GPR155: variants seen among roughly 807,000 people sequenced by gnomAD.
GPR155 encodes the protein G protein-coupled receptor 155.
In GPR155, 65 loss-of-function variants were observed where a neutral mutation model predicts 93.1. The ratio of observed to expected loss-of-function variants is 0.70; its 90% CI spans 0.57 to 0.86. GPR155 has a LOEUF of 0.86. Ranked by LOEUF, GPR155 falls within the 40% of genes least tolerant of loss-of-function variation. GPR155 has a pLI of 0.00. For synonymous variants in GPR155, 319 were observed against 360.1 expected (o/e 0.89, Z 1.29); for missense variants, 838 against 1,034.8 (o/e 0.81, Z 2.61).
At chr2:174,468,490 T>A (rs531197721) in intron 5 of GPR155, among the ~76,000 whole-genome samples, 33 of 152,348 alleles carry the variant, frequency 2.2e-4, no homozygotes, top group Non-Finnish European at 4.1e-4. Flanking sequence ...ACCCCATGAT[T>A]CTAGAACAGC....
At chr2:174,460,797 T>A (rs1687669038) in intron 9 of GPR155, among the ~76,000 whole-genome samples, 1 of 152,236 alleles carries the variant, frequency 6.6e-6, no homozygotes, top group Admixed American at 6.5e-5. Flanking sequence ...ATAGCTAATA[T>A]TTATTGAGCA....
intron 3 of GPR155, among the ~76,000 whole-genome samples, chr2:174,470,886 C>T (rs1442984395): frequency 6.6e-6 from 1 of 152,126 alleles, no homozygotes; most frequent in Non-Finnish European, 1.5e-5. Context: ...CTTGCTTCCT[C>T]TATCAGTTTA....
intron 12 of GPR155, among the ~76,000 whole-genome samples, chr2:174,445,604 C>T (rs866205079): frequency 1.3e-5 from 2 of 152,164 alleles, no homozygotes; most frequent in African/African-American, 4.8e-5. Flanking sequence ...CACTATCTCA[C>T]GAGCATCCCA....
chr2:174,454,315 T>G (rs2105695254), intron 10 of GPR155, among the ~76,000 whole-genome samples: 1 of 152,170 alleles, frequency 6.6e-6, no homozygotes, highest in East Asian at 1.9e-4. Context: ...TTTTGAATTT[T>G]TAGTAGAGAC....
intron 15 of GPR155, among the ~76,000 whole-genome samples, chr2:174,437,814 C>G (rs1211710873): frequency 2.6e-5 from 4 of 151,554 alleles, no homozygotes; most frequent in African/African-American, 9.7e-5. Context: ...GAACTCCCGA[C>G]CTCAGGTGAT....
chr2:174,443,492 G>A (rs1243279688), intron 13 of GPR155, among the ~76,000 whole-genome samples: 1 of 152,210 alleles, frequency 6.6e-6, no homozygotes. Context: ...ACTTTGGGAG[G>A]CCAAGGCAGG....
At chr2:174,440,804 A>G (rs929435624) in intron 14 of GPR155, among the ~76,000 whole-genome samples, 1 of 152,160 alleles carries the variant, frequency 6.6e-6, no homozygotes, top group Non-Finnish European at 1.5e-5. Context: ...ACTACTTGTT[A>G]TTTTTCATAA....
At chr2:174,439,821 G>A (rs1686900131) in intron 15 of GPR155, 77 bp downstream of exon 15, 7 of 1,230,220 alleles carry the variant, frequency 5.7e-6, no homozygotes, top group Non-Finnish European at 8.2e-6. Flanking sequence ...ACCTCATTTA[G>A]CCTATTACAA....
chr2:174,478,751 C>T (rs1688237432), intron 2 of GPR155, among the ~76,000 whole-genome samples: 1 of 151,942 alleles, frequency 6.6e-6, no homozygotes, highest in Non-Finnish European at 1.5e-5. Context: ...TTTCTTATAA[C>T]CCATGATCGA....
At chr2:174,439,749 A>C in intron 15 of GPR155, 149 bp downstream of exon 15, 1 of 622,546 alleles carries the variant, frequency 1.6e-6, no homozygotes, top group South Asian at 2.0e-5. Context: ...CTATAAACTC[A>C]CTCATAATTC....
At chr2:174,476,498 G>A (rs1688170345) in intron 2 of GPR155, among the ~76,000 whole-genome samples, 1 of 152,140 alleles carries the variant, frequency 6.6e-6, no homozygotes, top group African/African-American at 2.4e-5. Flanking sequence ...CAGCTACTTG[G>A]GAGGCTGAGG....
At chr2:174,478,134 GA>G (rs1475532166) in intron 2 of GPR155, among the ~76,000 whole-genome samples, 7 of 152,206 alleles carry the variant, frequency 4.6e-5, no homozygotes, top group African/African-American at 1.7e-4. Context: ...CTGATATGCT[GA>G]AATCAACATT....
chr2:174,473,688 C>G (rs1449069848), intron 2 of GPR155, among the ~76,000 whole-genome samples: 1 of 152,082 alleles, frequency 6.6e-6, no homozygotes, highest in Non-Finnish European at 1.5e-5. Context: ...AAGTAAAAAT[C>G]TAGGGACAAA....
intron 10 of GPR155, among the ~76,000 whole-genome samples, chr2:174,457,759 CT>C (rs957374370): frequency 5.2e-4 from 79 of 151,264 alleles, no homozygotes; most frequent in Non-Finnish European, 1.0e-3. Context: ...CAGGCCTTGA[CT>C]TTTTTTTTAA....
At chr2:174,486,225 G>A (rs1046667445) in intron 1 of GPR155, among the ~76,000 whole-genome samples, 3 of 152,132 alleles carry the variant, frequency 2.0e-5, no homozygotes, top group Non-Finnish European at 4.4e-5. Flanking sequence ...CCAGGGTAGG[G>A]AGCGCTGAGC....
intron 10 of GPR155, among the ~76,000 whole-genome samples, chr2:174,455,872 G>A (rs966443269): frequency 8.6e-5 from 13 of 151,898 alleles, no homozygotes; most frequent in African/African-American, 2.9e-4. Flanking sequence ...ATGAAGTTTC[G>A]CTCTGTCACC....
Position 174,436,272 on chromosome 2 carries a change from G to A in GPR155, c.2457C>T (p.Thr819=). 1 of 1,614,064 alleles carries A rather than the reference G, an allele frequency of 6.2e-7. No individual in the cohort carries two copies. Among genetic ancestry groups the A allele is most frequent in the East Asian group, 2.2e-5 (1 of 44,888 alleles). The part of the protein sequence containing the change: ...LVQGGVIQHI[T]NEYEFRDEYL... ...ACTCATCCCGGAATTCATACTCGTT[G>A]GTAATATGTTGGATGACTCCCCCTT... is the stretch of plus-strand genomic sequence containing the variant. Residue 819 remains threonine, a synonymous_variant, in exon 16 of 16, where the codon ACC becomes ACT. Coordinates refer to ENST00000392552, the MANE Select transcript of GPR155 (RefSeq NM_152529.7).
intron 2 of GPR155, among the ~76,000 whole-genome samples, chr2:174,474,905 A>G (rs1342352371): frequency 6.6e-6 from 1 of 152,164 alleles, no homozygotes; most frequent in Non-Finnish European, 1.5e-5. Flanking sequence ...TAATGCAAAT[A>G]AAGGCTGATT....
chr2:174,474,794 TTG>T (rs1688095547), intron 2 of GPR155, among the ~76,000 whole-genome samples: 1 of 152,024 alleles, frequency 6.6e-6, no homozygotes, highest in South Asian at 2.1e-4. Context: ...GACGTGAGGG[TTG>T]GTGACCTAGT....
Sources: gnomAD v4.1 joint callset for allele counts (sites outside exome capture counted in the v4.1 genomes callset) on GRCh38, gnomAD v4.1.1 for gene constraint, MANE v1.5 for transcripts, NCBI Gene and HGNC (gene_info 2026-07-23, HGNC 2026-07-21) for gene names.